Variants in PCP4 observed in about 807,000 individuals in gnomAD.
PCP4 encodes the protein calmodulin regulator protein PCP4.
In PCP4, 8 loss-of-function variants were observed where a neutral mutation model predicts 10.0. The ratio of observed to expected loss-of-function variants is 0.80; its 90% CI spans 0.47 to 1.45. The LOEUF is 1.45. PCP4 is among the 40% of genes most tolerant of loss of function. The pLI is 0.00. For synonymous variants in PCP4, 21 were observed against 23.0 expected (o/e 0.91, Z 0.24); for missense variants, 54 against 74.4 (o/e 0.73, Z 1.01).
chr21:39,928,330 C>T (rs1287945964), intron 2 of PCP4, among the ~76,000 whole-genome samples: 6 of 152,216 alleles, frequency 3.9e-5, no homozygotes, highest in African/African-American at 7.2e-5. Context: ...CCCAAGCCTT[C>T]GTTCCTCACC....
At chr21:39,882,193 G>A (rs887639473) in intron 1 of PCP4, among the ~76,000 whole-genome samples, 2 of 152,184 alleles carry the variant, frequency 1.3e-5, no homozygotes, top group Non-Finnish European at 2.9e-5. Flanking sequence ...TTGAATAACC[G>A]CAGGTTTGGC....
At chr21:39,903,857 G>C (rs1007008288) in intron 2 of PCP4, among the ~76,000 whole-genome samples, 17 of 125,194 alleles carry the variant, frequency 1.4e-4, no homozygotes, top group Admixed American at 3.8e-4. Flanking sequence ...TAAAGAGTGG[G>C]ACTCCGTCTC....
Position 39,926,111 on chromosome 21 carries a change from C to G in PCP4, c.62-2873C>G, listed in dbSNP as rs1397777546. On this transcript the variant is annotated intron_variant, in intron 2 of 2. Transcript: ENST00000328619. ...CTCAGCGGAAGGAGCTCCTGCCACT[C>G]CTCTAACAGCATCTGACCTTCCCCG... is the stretch of plus-strand genomic sequence containing the variant. 10 of 455,682 alleles carry G rather than the reference C, an allele frequency of 2.2e-5. No individual in the cohort carries two copies. In the East Asian group the frequency reaches 7.0e-4, roughly 32 times the overall value. The allele number at this position is 455,682 out of a possible 1,614,324, so 28.2% of individuals were successfully genotyped here.
chr21:39,895,041 A>G (rs1480634460), intron 1 of PCP4, among the ~76,000 whole-genome samples: 4 of 151,946 alleles, frequency 2.6e-5, no homozygotes, highest in Admixed American at 6.6e-5. Context: ...CTGTTCATCT[A>G]TCCATCCATC....
At chr21:39,889,252 A>T (rs2146332324) in intron 1 of PCP4, among the ~76,000 whole-genome samples, 1 of 152,204 alleles carries the variant, frequency 6.6e-6, no homozygotes, top group East Asian at 1.9e-4. Flanking sequence ...GATGGGAAAG[A>T]AAGGGAGGAG....
At chr21:39,923,656 A>G (rs975683854) in intron 2 of PCP4, among the ~76,000 whole-genome samples, 1 of 152,190 alleles carries the variant, frequency 6.6e-6, no homozygotes, top group African/African-American at 2.4e-5. Flanking sequence ...CTATGTGCAC[A>G]TGTCAGGGAG....
chr21:39,872,082 T>G (rs1479879823), intron 1 of PCP4, among the ~76,000 whole-genome samples: 1 of 152,174 alleles, frequency 6.6e-6, no homozygotes, highest in Non-Finnish European at 1.5e-5. Flanking sequence ...CACTGCAACC[T>G]CTGCCTCCCA....
chr21:39,899,702 A>AG, intron 2 of PCP4, among the ~76,000 whole-genome samples: 1 of 152,176 alleles, frequency 6.6e-6, no homozygotes, highest in East Asian at 1.9e-4. Context: ...GTTTTCCATG[A>AG]GGCCAATGGC....
In PCP4 at chr21:39,928,944, G is replaced by T. The variant is rs772665015; in HGVS notation, c.62-40G>T. The stretch of plus-strand genomic sequence containing the variant: ...GGGGCTGTCTGCTTTCCTATTTTCA[G>T]CTCAGTGATTGCCTTCTGTTTGTGT... On this transcript the variant is annotated intron_variant, in intron 2 of 2. Transcript: ENST00000328619. 46 of 1,597,218 alleles carry T rather than the reference G, an allele frequency of 2.9e-5. No homozygotes were observed. In the Middle Eastern group the frequency reaches 1.0e-3, roughly 35 times the overall value.
At chr21:39,905,192 G>A (rs1300097872) in intron 2 of PCP4, among the ~76,000 whole-genome samples, 2 of 151,932 alleles carry the variant, frequency 1.3e-5, no homozygotes, top group Admixed American at 6.6e-5. Context: ...AAACAGCTCC[G>A]GTCTCCATCT....
intron 1 of PCP4, among the ~76,000 whole-genome samples, chr21:39,871,188 GT>G (rs1459887543): frequency 6.6e-6 from 1 of 152,208 alleles, no homozygotes; most frequent in African/African-American, 2.4e-5. Context: ...TTAAAAAAAT[GT>G]TTTGCCACTG....
intron 2 of PCP4, among the ~76,000 whole-genome samples, chr21:39,905,563 A>C (rs1441440814): frequency 6.6e-6 from 1 of 152,192 alleles, no homozygotes; most frequent in Non-Finnish European, 1.5e-5. Context: ...TCTCAGTTAG[A>C]AGAGTGACTT....
At chr21:39,885,034 A>G (rs1199805702) in intron 1 of PCP4, among the ~76,000 whole-genome samples, 1 of 152,220 alleles carries the variant, frequency 6.6e-6, no homozygotes, top group African/African-American at 2.4e-5. Flanking sequence ...CAGTTTATAA[A>G]TGTTACTTTA....
chr21:39,929,023 T>A lies in PCP4; in HGVS notation c.101T>A (p.Met34Lys). Residue 34 changes from methionine (M) to lysine (K), a missense_variant, in exon 3 of 3, where the codon ATG becomes AAG. Met to Lys is a moderately conservative substitution (Grantham distance 95, BLOSUM62 -1). Coordinates refer to ENST00000328619, the MANE Select transcript of PCP4 (RefSeq NM_006198.3). Reference protein sequence around the residue: ...KKVQEEFDIDMDAPETERAAV... With the variant: ...KKVQEEFDIDKDAPETERAAV... ...GTTCAAGAAGAATTTGACATTGACA[T>A]GGATGCACCAGAGACAGAACGTGCA... The A allele has an allele frequency of 6.2e-7, 1 of 1,613,202 alleles. No homozygotes were observed. Among genetic ancestry groups the A allele is most frequent in the South Asian group, 1.1e-5 (1 of 90,938 alleles).
rs113328845 is a variant in PCP4, at chr21:39,895,918, G to T, written c.10-2558G>T. ...ATTGAAAATGTCAAAAGGTCCCAAA[G>T]AATTCTGAAATGAGATACTTTCAAT... On this transcript the variant is annotated intron_variant, in intron 1 of 2. Transcript: ENST00000328619. Among the ~76,000 whole-genome samples the T allele has an allele frequency of 2.2e-4, 34 of 152,322 alleles. No individual in the cohort carries two copies. In the South Asian group the frequency reaches 6.4e-3, roughly 29 times the overall value.
At chr21:39,928,325 G>A (rs1390670138) in intron 2 of PCP4, among the ~76,000 whole-genome samples, 2 of 152,206 alleles carry the variant, frequency 1.3e-5, no homozygotes, top group East Asian at 3.9e-4. Context: ...AGAGGCCCAA[G>A]CCTTCGTTCC....
chr21:39,897,024 A>T (rs2087459917), intron 1 of PCP4, among the ~76,000 whole-genome samples: 1 of 151,612 alleles, frequency 6.6e-6, no homozygotes. Context: ...TCCAGTCTTG[A>T]CTCTGCCACT....
rs900683276 is a variant in PCP4, at chr21:39,906,763, T to C, written c.61+8236T>C. Reference sequence around the variant, plus strand: ...AAGTAAAGTTATACATTATTCTCAATGAATTACTCTTAAAGATCTTCAAGA... The same window carrying C: ...AAGTAAAGTTATACATTATTCTCAACGAATTACTCTTAAAGATCTTCAAGA... On this transcript the variant is annotated intron_variant, in intron 2 of 2. Transcript: ENST00000328619. The surrounding 1 kb of genome is among the most constrained non-coding windows in gnomAD (Gnocchi z 6.3). 3.3e-5 allele frequency among the ~76,000 whole-genome samples: 5 copies of C among 152,186 alleles called. No individual in the cohort carries two copies. The highest frequency in any genetic ancestry group is 1.2e-4 in the African/African-American group (5 of 41,458).
At chr21:39,892,716 C>A (rs774198759) in intron 1 of PCP4, among the ~76,000 whole-genome samples, 8 of 152,124 alleles carry the variant, frequency 5.3e-5, no homozygotes, top group Non-Finnish European at 1.2e-4. Flanking sequence ...ACAAACAATT[C>A]AAGTACACTC....
Sources: allele counts gnomAD v4.1 joint callset (sites outside exome capture counted in the v4.1 genomes callset), GRCh38; gene constraint gnomAD v4.1.1; non-coding constraint Gnocchi (gnomAD v3.1); transcripts MANE v1.5; gene names NCBI Gene and HGNC (gene_info 2026-07-23, HGNC 2026-07-21).